WWC1: variants seen among roughly 807,000 people sequenced by gnomAD.
WWC1 encodes WW and C2 domain containing 1.
WWC1 carries 55 observed loss-of-function variants against 138.4 expected under a neutral mutation model. The ratio of observed to expected loss-of-function variants is 0.40; its 90% CI spans 0.32 to 0.50. The LOEUF is 0.50. Among genes scored for constraint, WWC1 ranks in the 20% least tolerant of loss-of-function variants. The pLI, the probability that WWC1 is intolerant of heterozygous loss-of-function variation, is 0.72. For missense variants in WWC1, 1,226 were observed against 1,420.4 expected, an observed-to-expected ratio of 0.86 and a Z score of 2.20; for synonymous variants, 524 against 564.9, an observed-to-expected ratio of 0.93 and a Z score of 1.03.
At chr5:168,401,920 A>G (rs1159830202) in intron 5 of WWC1, among the ~76,000 whole-genome samples, 1 of 152,160 alleles carries the variant, frequency 6.6e-6, no homozygotes, top group Non-Finnish European at 1.5e-5. Flanking sequence ...TCCACTTTGC[A>G]GCAAAATGGC....
rs754206830 is a variant in WWC1 at position 168,431,232 on chromosome 5, G to A, written c.2088-20G>A. The A allele has an allele frequency of 6.3e-7, 1 of 1,593,110 alleles. No homozygotes were observed. The highest frequency in any genetic ancestry group is 8.6e-7 in the Non-Finnish European group (1 of 1,169,008). On this transcript the variant is annotated intron_variant, in intron 14 of 22. Coordinates refer to ENST00000265293, the MANE Select transcript of WWC1 (RefSeq NM_015238.3). The stretch of plus-strand genomic sequence containing the variant: ...GACATGGGCTGACCCAAGATTTCCT[G>A]CGGTTCTGTCTCCCTCTAGGAATAT...
At chr5:168,349,442 T>A (rs1774748517) in intron 1 of WWC1, among the ~76,000 whole-genome samples, 1 of 152,304 alleles carries the variant, frequency 6.6e-6, no homozygotes, top group South Asian at 2.1e-4. Flanking sequence ...TTCTTCCCTG[T>A]AAAAGATTTC....
chr5:168,411,293 T>C (rs1780220131), intron 8 of WWC1, among the ~76,000 whole-genome samples: 3 of 152,090 alleles, frequency 2.0e-5, no homozygotes, highest in Admixed American at 2.0e-4. Context: ...CATTGTGGTG[T>C]GGATGGAAGC....
chr5:168,363,199 G>A (rs10475878), intron 1 of WWC1, among the ~76,000 whole-genome samples: 60,507 of 151,826 alleles, frequency 0.4, 13,593 homozygotes, highest in African/African-American at 0.6. Flanking sequence ...TTCAGCTACT[G>A]TCTCCTACCT....
chr5:168,451,923 T>TTTTTTTA (rs1755862129), intron 17 of WWC1, among the ~76,000 whole-genome samples: 2 of 125,142 alleles, frequency 1.6e-5, no homozygotes, highest in Non-Finnish European at 1.8e-5. Context: ...TTTTTTTTTT[T>TTTTTTTA]GAGGTGGAGT....
chr5:168,427,200 C>T (rs1781567772), intron 11 of WWC1, among the ~76,000 whole-genome samples: 1 of 152,100 alleles, frequency 6.6e-6, no homozygotes, highest in Non-Finnish European at 1.5e-5. Context: ...GCAGTTTTTG[C>T]CATTGAAAGT....
At chr5:168,421,963 G>A (rs748640170) in intron 9 of WWC1, 45 bp from the exon 10 acceptor site, 2 of 1,559,082 alleles carry the variant, frequency 1.3e-6, no homozygotes, top group Admixed American at 1.7e-5. Flanking sequence ...GTGCATGCCT[G>A]TGCTTCCTTT....
chr5:168,328,402 C>T (rs970612074), intron 1 of WWC1, among the ~76,000 whole-genome samples: 1 of 152,016 alleles, frequency 6.6e-6, no homozygotes, highest in Non-Finnish European at 1.5e-5. Context: ...TGATCTTGAC[C>T]AATAGGGGTA....
chr5:168,443,165 C>A (rs192432175), intron 16 of WWC1, among the ~76,000 whole-genome samples: 1 of 152,254 alleles, frequency 6.6e-6, no homozygotes, highest in Admixed American at 6.5e-5. Context: ...TTCCCTCTGT[C>A]GATACTTGGT....
chr5:168,378,232 A>G (rs1167209901), intron 2 of WWC1, among the ~76,000 whole-genome samples: 1 of 152,142 alleles, frequency 6.6e-6, no homozygotes, highest in Admixed American at 6.5e-5. Context: ...GAGCTAAACA[A>G]TGGGTACTTA....
At chr5:168,403,028 TTCTTTCTTTCTTTC>T (rs1431741100) in intron 5 of WWC1, among the ~76,000 whole-genome samples, 3 of 125,034 alleles carry the variant, frequency 2.4e-5, no homozygotes, top group African/African-American at 1.0e-4. Flanking sequence ...CTTTCTTTCT[TTCTTTCTTTCTTTC>T]TTTCTTTCTT....
chr5:168,374,030 A>G (rs1444351641), intron 2 of WWC1, among the ~76,000 whole-genome samples: 3 of 143,638 alleles, frequency 2.1e-5, no homozygotes, highest in East Asian at 4.2e-4. Flanking sequence ...TGGGCAACAG[A>G]GCGAGATTCT....
At chr5:168,450,935 C>A (rs745393433) in intron 17 of WWC1, among the ~76,000 whole-genome samples, 1 of 152,088 alleles carries the variant, frequency 6.6e-6, no homozygotes, top group Non-Finnish European at 1.5e-5. Flanking sequence ...GTCCACATAC[C>A]AGACAAAGGA....
At chr5:168,434,994 G>A (rs1205087059) in intron 15 of WWC1, among the ~76,000 whole-genome samples, 1 of 151,900 alleles carries the variant, frequency 6.6e-6, no homozygotes, top group Non-Finnish European at 1.5e-5. Flanking sequence ...CTCCAACTGA[G>A]CAACTGGAAA....
intron 21 of WWC1, among the ~76,000 whole-genome samples, chr5:168,466,068 G>T (rs561936582): frequency 4.1e-4 from 63 of 152,256 alleles, no homozygotes; most frequent in Non-Finnish European, 6.3e-4. Flanking sequence ...GCAGCTTGGG[G>T]TCTCTTATAG....
intron 6 of WWC1, among the ~76,000 whole-genome samples, chr5:168,407,166 C>T (rs1180680366): frequency 6.6e-6 from 1 of 152,162 alleles, no homozygotes; most frequent in African/African-American, 2.4e-5. Context: ...CAAAATGTAG[C>T]ATCTCTATAA....
Position 168,292,677 on chromosome 5 carries a change from G to T in WWC1, c.119+406G>T, listed in dbSNP as rs1769169090. On this transcript the variant is annotated intron_variant, in intron 1 of 22. Coordinates refer to ENST00000265293, the MANE Select transcript of WWC1 (RefSeq NM_015238.3). This position sits in a 1 kb window ranked among gnomAD's most constrained non-coding sequence, Gnocchi z 4.4. ...GGGAGGCTTCCACCCAGCGTGGGGG[G>T]TGGGCGGATGGGGATGGGGAAGTGT... Among the ~76,000 whole-genome samples the T allele has an allele frequency of 6.6e-6, 1 of 152,168 alleles. No homozygotes were observed. Among genetic ancestry groups the T allele is most frequent in the African/African-American group, 2.4e-5 (1 of 41,448 alleles).
chr5:168,385,939 C>T (rs1778011794), intron 3 of WWC1, among the ~76,000 whole-genome samples: 1 of 152,154 alleles, frequency 6.6e-6, no homozygotes, highest in African/African-American at 2.4e-5. Context: ...TGGTCAGGCC[C>T]CTGCCAGCCA....
intron 1 of WWC1, among the ~76,000 whole-genome samples, chr5:168,315,260 C>G (rs542962066): frequency 3.3e-4 from 50 of 151,568 alleles, no homozygotes; most frequent in Non-Finnish European, 6.2e-4. Context: ...CCCAGAGGAG[C>G]TTGTAAAATG....
Sources: gnomAD v4.1 joint callset for allele counts (sites outside exome capture counted in the v4.1 genomes callset) on GRCh38, gnomAD v4.1.1 for gene constraint, Gnocchi (gnomAD v3.1) non-coding constraint, MANE v1.5 for transcripts, NCBI Gene and HGNC (gene_info 2026-07-23, HGNC 2026-07-21) for gene names.